Variants in SVOPL observed in about 807,000 individuals in gnomAD.
SVOPL encodes putative transporter SVOPL.
A neutral mutation model predicts 61.0 loss-of-function variants in SVOPL; 60 were observed. The ratio of observed to expected loss-of-function variants is 0.98; its 90% CI spans 0.80 to 1.22. SVOPL has a LOEUF of 1.22. Among genes scored for constraint, SVOPL ranks in the 50% most tolerant of loss-of-function variants. The pLI is 0.00. For synonymous variants in SVOPL, 279 were observed against 250.0 expected, an observed-to-expected ratio of 1.12 and a Z score of -1.09; for missense variants, 662 against 643.9, an observed-to-expected ratio of 1.03 and a Z score of -0.30.
chr7:138,651,777 T>C (rs1208767037), intron 7 of SVOPL, among the ~76,000 whole-genome samples: 1 of 152,176 alleles, frequency 6.6e-6, no homozygotes, highest in Non-Finnish European at 1.5e-5. Context: ...ACTTACTGGC[T>C]ATTCTTTGGT....
chr7:138,675,702 T>G (rs77842552), intron 3 of SVOPL, among the ~76,000 whole-genome samples: 3,193 of 152,180 alleles, frequency 0.021, 107 homozygotes, highest in African/African-American at 0.074. Flanking sequence ...GAGGGTCAGA[T>G]CCCTCTAGAG....
Position 138,659,821 on chromosome 7 carries a change from G to A in SVOPL, c.470+43C>T, listed in dbSNP as rs761176772. 46 of 1,535,972 alleles carry A rather than the reference G, an allele frequency of 3.0e-5. No individual in the cohort carries two copies. The South Asian group carries it at 5.0e-4, about 17-fold the overall frequency. On this transcript the variant is annotated intron_variant, in intron 6 of 15. Transcript: ENST00000674285. The stretch of plus-strand genomic sequence containing the variant: ...GTGTGTGTGCATCAGGGCCTGCAGG[G>A]GTACACGTTTCTGTCTCAGGGTCCC...
At position 138,625,969 on chromosome 7, in the gene SVOPL, C is replaced by T. The variant is rs752487929; in HGVS notation, c.1263G>A (p.Glu421=). 6.2e-7 allele frequency: 1 copy of T among 1,613,948 alleles called. No individual in the cohort carries two copies. Among genetic ancestry groups the T allele is most frequent in the African/African-American group, 1.3e-5 (1 of 74,922 alleles). The change falls in exon 13 of 16, where the codon GAG becomes GAA. Residue 421 remains glutamate, a splice_region_variant and synonymous_variant. Transcript: ENST00000674285. ...AAGCAAGCCTTGCATGAAAACTCAC[C>T]TCAGCTGTGTAAATGTAGACGGTGT... ...NFNTVYIYTA[E]VYPTTMRALG... is the part of the protein sequence containing the mutation.
rs1802647689 is a variant in SVOPL at position 138,679,169 on chromosome 7, T to C, written c.-34-90A>G. The C allele has an allele frequency of 5.7e-6, 5 of 883,634 alleles. No homozygotes were observed. In the East Asian group the frequency reaches 1.4e-4, roughly 24 times the overall value. The allele number at this position is 883,634 out of a possible 1,614,324, so 54.7% of individuals were successfully genotyped here. On this transcript the variant is annotated intron_variant, in intron 1 of 15. Transcript: ENST00000674285. ...CAGGCACACTACACACAAAATTTCCTGAAGCCCTCACAAAAATCGAATGAG... is the reference window on the plus strand; with the variant it reads ...CAGGCACACTACACACAAAATTTCCCGAAGCCCTCACAAAAATCGAATGAG...
At chr7:138,678,602 C>G in intron 2 of SVOPL, 77 bp from the exon 3 acceptor site, 5 of 1,400,348 alleles carry the variant, frequency 3.6e-6, no homozygotes, top group Non-Finnish European at 4.9e-6. Flanking sequence ...CTTCAGAAAG[C>G]CAACCCATTA....
intron 9 of SVOPL, among the ~76,000 whole-genome samples, chr7:138,636,770 G>T (rs563354899): frequency 6.6e-6 from 1 of 151,736 alleles, no homozygotes; most frequent in Non-Finnish European, 1.5e-5. Flanking sequence ...CACACCCGGC[G>T]GATTTTATTT....
At chr7:138,626,251 T>C (rs1054230174) in intron 12 of SVOPL, among the ~76,000 whole-genome samples, 1 of 152,112 alleles carries the variant, frequency 6.6e-6, no homozygotes, top group South Asian at 2.1e-4. Context: ...GCCTTCTCCA[T>C]TCCCCAACGC....
intron 5 of SVOPL, 86 bp from the exon 6 acceptor site, chr7:138,660,074 TCCATC>T: frequency 6.6e-7 from 1 of 1,516,356 alleles, no homozygotes; most frequent in Middle Eastern, 1.7e-4. Context: ...ATTTTCGGTT[TCCATC>T]CTGATAGTTG....
intron 14 of SVOPL, among the ~76,000 whole-genome samples, chr7:138,606,985 T>C (rs1798786627): frequency 6.6e-6 from 1 of 150,996 alleles, no homozygotes; most frequent in Non-Finnish European, 1.5e-5. Flanking sequence ...AAAAGAATTC[T>C]ATGGAGGACT....
At chr7:138,678,866 G>A in intron 2 of SVOPL, 98 bp downstream of exon 2, 7 of 1,257,718 alleles carry the variant, frequency 5.6e-6, no homozygotes, top group Non-Finnish European at 7.8e-6. Flanking sequence ...CACCATGCCT[G>A]GCTGCTTCTT....
rs1361719220 is a variant in SVOPL at position 138,654,882 on chromosome 7, TTTTA to T, written c.534+1562_534+1565del. 9.7e-4 allele frequency among the ~76,000 whole-genome samples: 136 copies of T among 140,862 alleles called. 1 individual carries two copies. Among genetic ancestry groups the T allele is most frequent in the African/African-American group, 1.4e-3 (50 of 35,680 alleles). The allele number at this position is 140,862 out of a possible 152,430, so 92.4% of individuals were successfully genotyped here. ...TGTTTCACTTCCTTTTTTTTTTTTT[TTTTA>T]AAAAAAAAAAGAATTCAGAGCCTGC... On this transcript the variant is annotated intron_variant, in intron 7 of 15. Transcript: ENST00000674285.
intron 1 of SVOPL, among the ~76,000 whole-genome samples, chr7:138,696,702 G>A (rs1474496215): frequency 6.6e-6 from 1 of 152,142 alleles, no homozygotes; most frequent in East Asian, 1.9e-4. Flanking sequence ...AGGATTACAG[G>A]CGTGAGCCAC....
At chr7:138,604,287 T>A (rs183661850) in intron 14 of SVOPL, among the ~76,000 whole-genome samples, 22 of 152,284 alleles carry the variant, frequency 1.4e-4, no homozygotes, top group Admixed American at 1.2e-3. Context: ...TTGATGATAT[T>A]CAGTTACATA....
intron 7 of SVOPL, among the ~76,000 whole-genome samples, chr7:138,654,219 A>G (rs1385899208): frequency 6.6e-6 from 1 of 152,054 alleles, no homozygotes; most frequent in Non-Finnish European, 1.5e-5. Context: ...AGATCAGTAG[A>G]GTGACTATAG....
At chr7:138,654,282 G>T (rs2117045454) in intron 7 of SVOPL, among the ~76,000 whole-genome samples, 1 of 152,224 alleles carries the variant, frequency 6.6e-6, no homozygotes, top group East Asian at 1.9e-4. Flanking sequence ...ATAATTCATA[G>T]GTTCCTAGTG....
intron 9 of SVOPL, among the ~76,000 whole-genome samples, chr7:138,639,139 C>T (rs1490026603): frequency 6.6e-6 from 1 of 152,094 alleles, no homozygotes; most frequent in Admixed American, 6.6e-5. Flanking sequence ...CCTGTAGTCC[C>T]AGCTACTTGG....
intron 14 of SVOPL, among the ~76,000 whole-genome samples, chr7:138,607,829 T>A (rs1798823273): frequency 6.6e-6 from 1 of 151,976 alleles, no homozygotes; most frequent in Admixed American, 6.6e-5. Flanking sequence ...TAAATAGAAA[T>A]CGCAGAAGGG....
chr7:138,651,852 G>A (rs1801451563), intron 7 of SVOPL, among the ~76,000 whole-genome samples: 1 of 152,120 alleles, frequency 6.6e-6, no homozygotes, highest in African/African-American at 2.4e-5. Flanking sequence ...TGATCAATTA[G>A]TAATCCTATA....
At chr7:138,680,029 C>T (rs139274848) in intron 1 of SVOPL, among the ~76,000 whole-genome samples, 15 of 152,228 alleles carry the variant, frequency 9.9e-5, no homozygotes, top group African/African-American at 2.4e-4. Context: ...TGGGGCCAGA[C>T]GCAGGCCTTG....
Sources: allele counts gnomAD v4.1 joint callset (sites outside exome capture counted in the v4.1 genomes callset), GRCh38; gene constraint gnomAD v4.1.1; transcripts MANE v1.5; gene names NCBI Gene and HGNC (gene_info 2026-07-23, HGNC 2026-07-21).